The following PLEKHG1 variants were observed in gnomAD, a reference collection of about 807,000 sequenced individuals.
PLEKHG1 encodes pleckstrin homology domain-containing family G member 1.
A neutral mutation model predicts 100.8 loss-of-function variants in PLEKHG1; 44 were observed. The ratio of observed to expected loss-of-function variants is 0.44; its 90% CI spans 0.34 to 0.56. PLEKHG1 has a LOEUF of 0.56. Among genes scored for constraint, PLEKHG1 ranks in the 20% least tolerant of loss-of-function variants. The probability of loss-of-function intolerance (pLI) is 0.01; values close to 1 mark genes in which losing one functional copy is unlikely to be tolerated. For missense variants in PLEKHG1, 1,545 were observed against 1,720.9 expected (o/e 0.90, Z 1.81); for synonymous variants, 640 against 662.5 (o/e 0.97, Z 0.52).
intron 3 of PLEKHG1, among the ~76,000 whole-genome samples, chr6:150,710,651 G>T (rs954764088): frequency 6.6e-6 from 1 of 152,014 alleles, no homozygotes; most frequent in Non-Finnish European, 1.5e-5. Context: ...GTTATTAATT[G>T]TGGTATGTAA....
intron 2 of PLEKHG1, among the ~76,000 whole-genome samples, chr6:150,762,325 G>A (rs1290078449): frequency 6.6e-6 from 1 of 151,456 alleles, no homozygotes; most frequent in East Asian, 1.9e-4. Context: ...AAGTAGCTGG[G>A]ATTACAGGTG....
intron 1 of PLEKHG1, among the ~76,000 whole-genome samples, chr6:150,626,300 G>A (rs890935842): frequency 4.6e-5 from 7 of 152,192 alleles, no homozygotes; most frequent in African/African-American, 7.2e-5. Context: ...CCTAAAGAAA[G>A]GGTGTTATCT....
chr6:150,785,606 C>A (rs1347852410), intron 3 of PLEKHG1, among the ~76,000 whole-genome samples: 1 of 152,070 alleles, frequency 6.6e-6, no homozygotes, highest in Non-Finnish European at 1.5e-5. Context: ...TCCTTTAAAG[C>A]ACTATCTCTA....
At chr6:150,608,435 C>T (rs1562379419) in intron 1 of PLEKHG1, among the ~76,000 whole-genome samples, 1 of 152,074 alleles carries the variant, frequency 6.6e-6, no homozygotes, top group South Asian at 2.1e-4. Flanking sequence ...AGGGAGTGAA[C>T]AGGTATTTAT....
At chr6:150,613,270 A>G (rs898221273) in intron 1 of PLEKHG1, among the ~76,000 whole-genome samples, 1 of 152,182 alleles carries the variant, frequency 6.6e-6, no homozygotes, top group Non-Finnish European at 1.5e-5. Flanking sequence ...CCTACTGACC[A>G]TACTTTATAA....
intron 1 of PLEKHG1, among the ~76,000 whole-genome samples, chr6:150,612,787 T>C (rs9480493): frequency 0.079 from 12,100 of 152,222 alleles, 558 homozygotes; most frequent in Non-Finnish European, 0.1. Context: ...CTCATAGGCT[T>C]TACCTCCAGC....
intron 1 of PLEKHG1, among the ~76,000 whole-genome samples, chr6:150,613,370 T>A (rs1425144798): frequency 6.6e-6 from 1 of 151,950 alleles, no homozygotes; most frequent in East Asian, 1.9e-4. Flanking sequence ...CTAGGATACA[T>A]CTGCTTAGTG....
At chr6:150,703,756 C>A (rs972321759) in intron 3 of PLEKHG1, among the ~76,000 whole-genome samples, 14 of 152,096 alleles carry the variant, frequency 9.2e-5, no homozygotes, top group Non-Finnish European at 1.3e-4. Flanking sequence ...GTCTCTCTAC[C>A]CTGGCAATAC....
intron 14 of PLEKHG1, chr6:150,827,610 TA>T (rs1270574832): frequency 4.0e-6 from 3 of 748,930 alleles, no homozygotes; most frequent in Non-Finnish European, 7.3e-6. Flanking sequence ...GTAATTACCT[TA>T]AAAAGATACT....
At chr6:150,614,926 A>G (rs1873731) in intron 1 of PLEKHG1, among the ~76,000 whole-genome samples, 150,638 of 152,310 alleles carry the variant, frequency 0.99, 74,492 homozygotes, top group East Asian at 1. Flanking sequence ...ATCAGATTTT[A>G]TGCTATCCTG....
chr6:150,673,271 CT>C lies in PLEKHG1; in HGVS notation c.-99+22486del, dbSNP rs199698601. Among the ~76,000 whole-genome samples, 37 of 152,280 alleles carry C rather than the reference CT, an allele frequency of 2.4e-4. No individual in the cohort carries two copies. In the East Asian group the frequency reaches 4.0e-3, roughly 17 times the overall value. The stretch of plus-strand genomic sequence containing the variant: ...AGCTTCCTTCTAATAAAAGATTTTT[CT>C]GTCTTCAAGCAAATGCACATCTCTC... On this transcript the variant is annotated intron_variant, in intron 3 of 3. Transcript: ENST00000367326.
Position 150,600,080 on chromosome 6 carries a change from G to A in PLEKHG1, c.-204+63G>A. 1.1e-5 allele frequency: 2 copies of A among 182,238 alleles called. No individual in the cohort carries two copies. Among genetic ancestry groups the A allele is most frequent in the Admixed American group, 6.4e-5 (1 of 15,512 alleles). 11.3% of individuals were successfully genotyped at this position (182,238 alleles called of 1,614,324 possible). A position where few individuals can be genotyped will look rare whatever the true frequency, so the allele number is the denominator to read the frequency against. On this transcript the variant is annotated intron_variant, in intron 1 of 3. Transcript: ENST00000367326. The surrounding 1 kb of genome is among the most constrained non-coding windows in gnomAD (Gnocchi z 6.2). ...TCCAGGGATGGGAGGGGGGACCCGG[G>A]GACCTCCGGCGGGAGCCCCACATCC...
intron 2 of PLEKHG1, among the ~76,000 whole-genome samples, chr6:150,640,987 A>G (rs901954590): frequency 1.3e-5 from 2 of 152,164 alleles, no homozygotes; most frequent in African/African-American, 4.8e-5. Context: ...ACTAAATGTC[A>G]GTTTCATAGT....
intron 3 of PLEKHG1, among the ~76,000 whole-genome samples, chr6:150,690,323 T>C (rs946537508): frequency 6.6e-6 from 1 of 152,108 alleles, no homozygotes; most frequent in African/African-American, 2.4e-5. Context: ...CCAAGCAGCA[T>C]ACACTGCACC....
chr6:150,834,045 G>A (rs1437941544), intron 15 of PLEKHG1, among the ~76,000 whole-genome samples: 1 of 152,012 alleles, frequency 6.6e-6, no homozygotes, highest in Non-Finnish European at 1.5e-5. Flanking sequence ...TTTAAGAATT[G>A]TCTAAAGTTT....
intron 3 of PLEKHG1, among the ~76,000 whole-genome samples, chr6:150,701,218 T>G (rs111358087): frequency 0.044 from 6,481 of 148,514 alleles, 451 homozygotes; most frequent in African/African-American, 0.15. Context: ...AACTCGGGAG[T>G]CTGAAGCAGG....
At chr6:150,840,425 G>C in exon 16 of PLEKHG1, 1 of 1,613,986 alleles carries the variant, frequency 6.2e-7, no homozygotes, top group Non-Finnish European at 8.5e-7. Context: ...TTGCTGACTC[G>C]CATCAACAGG....
At chr6:150,642,453 G>A (rs1778310711) in intron 2 of PLEKHG1, among the ~76,000 whole-genome samples, 1 of 152,142 alleles carries the variant, frequency 6.6e-6, no homozygotes, top group Admixed American at 6.6e-5. Flanking sequence ...TTTATGCCTG[G>A]ACTTGAGTAT....
At chr6:150,629,742 AGCCAC>A (rs1777666161) in intron 1 of PLEKHG1, among the ~76,000 whole-genome samples, 1 of 152,208 alleles carries the variant, frequency 6.6e-6, no homozygotes, top group Non-Finnish European at 1.5e-5. Flanking sequence ...TACAGGCGTG[AGCCAC>A]TGCACCTGGC....
Sources: allele counts gnomAD v4.1 joint callset (sites outside exome capture counted in the v4.1 genomes callset), GRCh38; gene constraint gnomAD v4.1.1; non-coding constraint Gnocchi (gnomAD v3.1); transcripts MANE v1.5; gene names NCBI Gene and HGNC (gene_info 2026-07-23, HGNC 2026-07-21).